The following STAB2 variants were observed in gnomAD, a reference collection of about 807,000 sequenced individuals.
The protein encoded by STAB2 is stabilin-2.
A neutral mutation model predicts 338.1 loss-of-function variants in STAB2; 288 were observed. The ratio of observed to expected loss-of-function variants is 0.85; its 90% CI spans 0.77 to 0.94. STAB2 has a LOEUF of 0.94. Ranked by LOEUF, STAB2 falls within the 40% of genes least tolerant of loss-of-function variation. The pLI, the probability that STAB2 is intolerant of heterozygous loss-of-function variation, is 0.00. For missense variants in STAB2, 3,141 were observed against 3,210.1 expected (o/e 0.98, Z 0.52); for synonymous variants, 1,202 against 1,193.3 (o/e 1.01, Z -0.15).
chr12:103,618,821 G>A (rs957341636), intron 3 of STAB2, among the ~76,000 whole-genome samples: 5 of 152,078 alleles, frequency 3.3e-5, no homozygotes, highest in African/African-American at 1.2e-4. Flanking sequence ...GCTTGGCTCT[G>A]TGTCCCCACC....
At position 103,604,657 on chromosome 12, in the gene STAB2, A is replaced by T. The variant is rs556023277; in HGVS notation, c.331+10147A>T. Among the ~76,000 whole-genome samples, 4 of 151,966 alleles carry T rather than the reference A, an allele frequency of 2.6e-5. No individual in the cohort carries two copies. In the East Asian group the frequency reaches 7.7e-4, roughly 29 times the overall value. ...TTATTGGCATAAACTTGTTCATAATATTCATTTATTATCCCTTTAATGTCT... is the reference window on the plus strand; with the variant it reads ...TTATTGGCATAAACTTGTTCATAATTTTCATTTATTATCCCTTTAATGTCT... On this transcript the variant is annotated intron_variant, in intron 3 of 68. Transcript: ENST00000388887.
At chr12:103,727,105 A>G (rs569147731) in intron 46 of STAB2, among the ~76,000 whole-genome samples, 162 bp from the exon 47 acceptor site, 2 of 152,366 alleles carry the variant, frequency 1.3e-5, no homozygotes, top group African/African-American at 2.4e-5. Context: ...CACAATTTCA[A>G]CGACGGAGAA....
chr12:103,615,983 T>C (rs572257194), intron 3 of STAB2, among the ~76,000 whole-genome samples: 3 of 152,274 alleles, frequency 2.0e-5, no homozygotes, highest in Admixed American at 6.5e-5. Flanking sequence ...CTATATCATA[T>C]ACCTAATGAG....
chr12:103,593,535 A>G (rs1041314809), intron 2 of STAB2, among the ~76,000 whole-genome samples: 11 of 152,186 alleles, frequency 7.2e-5, no homozygotes, highest in Non-Finnish European at 1.6e-4. Flanking sequence ...ACCTTCGTGA[A>G]GAAGTGTCCC....
intron 9 of STAB2, among the ~76,000 whole-genome samples, chr12:103,644,109 G>A (rs985011258): frequency 1.5e-4 from 16 of 108,236 alleles, no homozygotes; most frequent in African/African-American, 1.3e-4. Flanking sequence ...GGTGGGGAAA[G>A]GATTGAGAAA....
rs1469535594 is a variant in STAB2 at position 103,759,196 on chromosome 12, C to G, written c.7171C>G (p.Leu2391Val). The change falls in exon 65 of 69, where the codon CTT (leucine) becomes GTT (valine). Residue 2391 changes from leucine to valine, a missense_variant. Coordinates refer to ENST00000388887, the MANE Select transcript of STAB2 (RefSeq NM_017564.10). ...TGTCAGCATGTTTTTCTACAATGACCTTGTCAATGGCACCACCCTGCAAAC... is the reference window on the plus strand; with the variant it reads ...TGTCAGCATGTTTTTCTACAATGACGTTGTCAATGGCACCACCCTGCAAAC... ...ANVSMFFYNDLVNGTTLQTRL... is the reference protein window; with the variant it reads ...ANVSMFFYNDVVNGTTLQTRL... The G allele has an allele frequency of 6.2e-7, 1 of 1,614,056 alleles. No individual in the cohort carries two copies. The highest frequency in any genetic ancestry group is 8.5e-7 in the Non-Finnish European group (1 of 1,180,052).
At position 103,683,325 on chromosome 12, in the gene STAB2, A is replaced by G. The variant is rs1877096575; in HGVS notation, c.2901+25A>G. 4 of 1,475,976 alleles carry G rather than the reference A, an allele frequency of 2.7e-6. No homozygotes were observed. The Admixed American group carries it at 8.3e-5, about 30-fold the overall frequency. 91.4% of individuals were successfully genotyped at this position (1,475,976 alleles called of 1,614,324 possible). A position where few individuals can be genotyped will look rare whatever the true frequency, so the allele number is the denominator to read the frequency against. ...GGTGAGTTATTTAACCTTGTTTTTC[A>G]TTACTTAAAAAAAAAAAAAAAACAA... On this transcript the variant is annotated intron_variant, in intron 26 of 68. Transcript: ENST00000388887.
At chr12:103,626,029 TG>T (rs200424855) in intron 5 of STAB2, among the ~76,000 whole-genome samples, 3,181 of 152,274 alleles carry the variant, frequency 0.021, 93 homozygotes, top group African/African-American at 0.069. Context: ...TGTTGTTTCC[TG>T]ACTTTTTAAT....
At chr12:103,749,205 G>A (rs747452824) in intron 59 of STAB2, 49 bp downstream of exon 59, 19 of 1,533,424 alleles carry the variant, frequency 1.2e-5, no homozygotes, top group Admixed American at 1.1e-4. Context: ...CGTGGGCTTC[G>A]CTCCTCCTTG....
At chr12:103,652,826 T>C in intron 12 of STAB2, 121 bp downstream of exon 12, 1 of 1,190,138 alleles carries the variant, frequency 8.4e-7, no homozygotes, top group Non-Finnish European at 1.1e-6. Flanking sequence ...TTTCCTCATG[T>C]ATTATTTGTC....
chr12:103,624,391 A>G (rs969720122), intron 5 of STAB2, among the ~76,000 whole-genome samples: 23 of 152,242 alleles, frequency 1.5e-4, no homozygotes, highest in Non-Finnish European at 3.1e-4. Context: ...TTTAGAACCC[A>G]GGCTTTAGAC....
chr12:103,699,825 A>G (rs1482277278), intron 34 of STAB2, among the ~76,000 whole-genome samples: 1 of 152,232 alleles, frequency 6.6e-6, no homozygotes, highest in Non-Finnish European at 1.5e-5. Context: ...GTGTAGCCTT[A>G]CAAATTGTGG....
In STAB2 at chr12:103,763,771, G is replaced by A. The variant is rs75755568; in HGVS notation, c.7605+163G>A. 124 of 633,128 alleles carry A rather than the reference G, an allele frequency of 2.0e-4. No individual in the cohort carries two copies. In the African/African-American group the frequency reaches 2.1e-3, roughly 11 times the overall value. 39.2% of individuals were successfully genotyped at this position (633,128 alleles called of 1,614,324 possible). A position where few individuals can be genotyped will look rare whatever the true frequency, so the allele number is the denominator to read the frequency against. ...CAGTTTTGCAAGCTGACTGAAGCCA[G>A]TGTGGTTGCTCAGAGTTCCTGGGTT... is the stretch of plus-strand genomic sequence containing the variant. On this transcript the variant is annotated intron_variant, in intron 68 of 68. Coordinates refer to ENST00000388887, the MANE Select transcript of STAB2 (RefSeq NM_017564.10).
At position 103,737,606 on chromosome 12, in the gene STAB2, CTTTTTTTT is replaced by C; in HGVS notation, c.5551-17_5551-10del. On this transcript the variant is annotated intron_variant, in intron 52 of 68. Coordinates refer to ENST00000388887, the MANE Select transcript of STAB2 (RefSeq NM_017564.10). ...TCTCTCTCTCTCTCTCTCTCTTTCT[CTTTTTTTT>C]TTTTTTTTTTCTTTCTTAGGGTGAC... 3.0e-6 allele frequency: 3 copies of C among 996,984 alleles called. No individual in the cohort carries two copies. The highest frequency in any genetic ancestry group is 1.9e-5 in the African/African-American group (1 of 52,174). 61.8% of individuals were successfully genotyped at this position (996,984 alleles called of 1,614,324 possible).
chr12:103,699,078 A>T lies in STAB2; in HGVS notation c.3583-18A>T, dbSNP rs749365324. ...AGGCTGATCTCTTGACTGACTTCCA[A>T]TTCTGTGTGTGATCCAGGAGGAGGA... On this transcript the variant is annotated intron_variant, in intron 33 of 68. Coordinates refer to ENST00000388887, the MANE Select transcript of STAB2 (RefSeq NM_017564.10). 2 of 1,600,042 alleles carry T rather than the reference A, an allele frequency of 1.2e-6. No individual in the cohort carries two copies. The highest frequency in any genetic ancestry group is 1.7e-6 in the Non-Finnish European group (2 of 1,170,180).
At chr12:103,738,958 G>T (rs1483202294) in intron 53 of STAB2, among the ~76,000 whole-genome samples, 3 of 152,090 alleles carry the variant, frequency 2.0e-5, no homozygotes, top group Non-Finnish European at 4.4e-5. Flanking sequence ...GTGTGTGTGT[G>T]TTGATATTCT....
rs566612357 is a variant in STAB2, at chr12:103,683,471, C to A, written c.2901+171C>A. On this transcript the variant is annotated intron_variant, in intron 26 of 68. Coordinates refer to ENST00000388887, the MANE Select transcript of STAB2 (RefSeq NM_017564.10). The stretch of plus-strand genomic sequence containing the variant: ...TTGCAACTTCTACTTCATTCCAAAG[C>A]TTGGAAGAACCAACATATGACTTCC... Among the ~76,000 whole-genome samples the A allele has an allele frequency of 2.6e-5, 4 of 152,308 alleles. No homozygotes were observed. In the South Asian group the frequency reaches 8.3e-4, roughly 32 times the overall value.
At chr12:103,669,770 C>T (rs1875562163) in intron 21 of STAB2, 143 bp downstream of exon 21, 1 of 681,278 alleles carries the variant, frequency 1.5e-6, no homozygotes, top group Non-Finnish European at 2.5e-6. Context: ...CAGGTGTCTG[C>T]AGTAGAAGGA....
chr12:103,611,269 T>C (rs1201768695), intron 3 of STAB2, among the ~76,000 whole-genome samples: 1 of 152,202 alleles, frequency 6.6e-6, no homozygotes, highest in Non-Finnish European at 1.5e-5. Context: ...CGTTGATCTG[T>C]CTAATGTTGA....
Sources: allele counts gnomAD v4.1 joint callset (sites outside exome capture counted in the v4.1 genomes callset), GRCh38; gene constraint gnomAD v4.1.1; transcripts MANE v1.5; gene names NCBI Gene and HGNC (gene_info 2026-07-23, HGNC 2026-07-21).